The following BCL2 variants were observed in gnomAD, a reference collection of about 807,000 sequenced individuals.
BCL2 encodes apoptosis regulator Bcl-2.
In BCL2, 1 loss-of-function variant was observed where a neutral mutation model predicts 14.2. The observed-to-expected ratio is 0.07, with a 90% CI of 0.02 to 0.33. The LOEUF is 0.33. Ranked by LOEUF, BCL2 falls within the 10% of genes least tolerant of loss-of-function variation. The pLI is 0.99. For synonymous variants in BCL2, 151 were observed against 137.2 expected (o/e 1.10, Z -0.70); for missense variants, 247 against 305.9 (o/e 0.81, Z 1.44).
At chr18:63,152,696 G>A (rs1914679035) in intron 2 of BCL2, among the ~76,000 whole-genome samples, 1 of 152,214 alleles carries the variant, frequency 6.6e-6, no homozygotes, top group African/African-American at 2.4e-5. Flanking sequence ...AGCTTATCAT[G>A]TGCTTGTCCT....
chr18:63,298,136 G>A (rs1912852332), intron 2 of BCL2, among the ~76,000 whole-genome samples: 1 of 152,130 alleles, frequency 6.6e-6, no homozygotes, highest in South Asian at 2.1e-4. Context: ...TCCCTATGCT[G>A]ACATGAAAAT....
intron 2 of BCL2, chr18:63,313,913 T>C (rs569439369): frequency 3.2e-4 from 48 of 152,306 alleles, no homozygotes; most frequent in African/African-American, 1.2e-3. Context: ...CAAAGATTGC[T>C]AAAAAGGGCA....
At chr18:63,231,658 G>A (rs1568241196) in intron 2 of BCL2, among the ~76,000 whole-genome samples, 1 of 150,736 alleles carries the variant, frequency 6.6e-6, no homozygotes, top group Non-Finnish European at 1.5e-5. Context: ...GGCCTATATG[G>A]AAAAAAAAAT....
chr18:63,289,567 A>G lies in BCL2; in HGVS notation c.585+28515T>C, dbSNP rs183524010. 6.6e-5 allele frequency among the ~76,000 whole-genome samples: 10 copies of G among 152,258 alleles called. No individual in the cohort carries two copies. The East Asian group carries it at 1.7e-3, about 26-fold the overall frequency. ...TGGAGAGAGGAATTTGAACAGCTGG[A>G]TAAAGGAAAATGAAGACTTACCTAG... On this transcript the variant is annotated intron_variant, in intron 2 of 2. Coordinates refer to ENST00000333681, the MANE Select transcript of BCL2 (RefSeq NM_000633.3).
chr18:63,189,831 G>C (rs1425556015), intron 2 of BCL2, among the ~76,000 whole-genome samples: 2 of 151,972 alleles, frequency 1.3e-5, no homozygotes, highest in Non-Finnish European at 1.5e-5. Flanking sequence ...CTGAGGCTTG[G>C]TGAGATATTT....
intron 2 of BCL2, among the ~76,000 whole-genome samples, chr18:63,171,498 C>T (rs1915219093): frequency 2.0e-5 from 3 of 152,200 alleles, no homozygotes; most frequent in Admixed American, 2.0e-4. Context: ...AAGGGCAAAG[C>T]ACTTATAATC....
chr18:63,145,435 C>G (rs957798889), intron 2 of BCL2, among the ~76,000 whole-genome samples: 1 of 152,208 alleles, frequency 6.6e-6, no homozygotes, highest in Non-Finnish European at 1.5e-5. Flanking sequence ...CCCACTGCCC[C>G]GTCACCTGCT....
chr18:63,142,591 C>G (rs1014244092), intron 2 of BCL2, among the ~76,000 whole-genome samples: 10 of 152,352 alleles, frequency 6.6e-5, no homozygotes, highest in African/African-American at 2.4e-4. Context: ...CCCAGTTCTG[C>G]AGCTCAATGG....
At chr18:63,172,616 C>G (rs940092654) in intron 2 of BCL2, among the ~76,000 whole-genome samples, 2 of 152,070 alleles carry the variant, frequency 1.3e-5, no homozygotes, top group African/African-American at 4.8e-5. Flanking sequence ...CCTGTCTCTA[C>G]TAAAAATATA....
chr18:63,183,398 A>G (rs4987798), intron 2 of BCL2, among the ~76,000 whole-genome samples: 12,695 of 152,084 alleles, frequency 0.083, 1,297 homozygotes, highest in African/African-American at 0.25. Context: ...ATGGAAGTTG[A>G]GCTATTATGG....
At chr18:63,210,378 T>C (rs1909966140) in intron 2 of BCL2, among the ~76,000 whole-genome samples, 1 of 152,220 alleles carries the variant, frequency 6.6e-6, no homozygotes, top group Non-Finnish European at 1.5e-5. Flanking sequence ...GGAAGAATAA[T>C]ATTTTATTCT....
chr18:63,274,718 C>T (rs777373800), intron 2 of BCL2, among the ~76,000 whole-genome samples: 11 of 152,104 alleles, frequency 7.2e-5, no homozygotes, highest in Non-Finnish European at 1.6e-4. Context: ...CCACCTGCCG[C>T]GGAGGACCTA....
intron 2 of BCL2, among the ~76,000 whole-genome samples, chr18:63,171,209 G>T (rs1210316594): frequency 6.6e-6 from 1 of 152,136 alleles, no homozygotes; most frequent in Non-Finnish European, 1.5e-5. Flanking sequence ...TAATTTTCAA[G>T]TATCAGTCCC....
intron 2 of BCL2, among the ~76,000 whole-genome samples, chr18:63,305,929 T>C (rs1420566340): frequency 6.6e-6 from 1 of 151,678 alleles, no homozygotes; most frequent in Non-Finnish European, 1.5e-5. Context: ...ACAGACATTA[T>C]CTAGGTGTGG....
chr18:63,145,643 G>C (rs1914493377), intron 2 of BCL2, among the ~76,000 whole-genome samples: 1 of 152,242 alleles, frequency 6.6e-6, no homozygotes, highest in South Asian at 2.1e-4. Context: ...AATGTTCGAT[G>C]TGTTACTGGA....
chr18:63,270,967 G>A (rs894612467), intron 2 of BCL2, among the ~76,000 whole-genome samples: 7 of 152,088 alleles, frequency 4.6e-5, no homozygotes, highest in African/African-American at 1.7e-4. Flanking sequence ...CTACAGGCAT[G>A]TGGCCACCAC....
chr18:63,308,933 A>T (rs1323723939), intron 2 of BCL2, among the ~76,000 whole-genome samples: 1 of 152,220 alleles, frequency 6.6e-6, no homozygotes. Context: ...TTAATAGAAG[A>T]AATATTTTAT....
At chr18:63,224,992 AG>A (rs2144167061) in intron 2 of BCL2, among the ~76,000 whole-genome samples, 1 of 152,250 alleles carries the variant, frequency 6.6e-6, no homozygotes, top group Non-Finnish European at 1.5e-5. Flanking sequence ...TAGCAGGCCG[AG>A]AGAGAAGTCT....
At chr18:63,165,300 T>C (rs889362788) in intron 2 of BCL2, among the ~76,000 whole-genome samples, 6 of 152,168 alleles carry the variant, frequency 3.9e-5, no homozygotes, top group Non-Finnish European at 7.4e-5. Flanking sequence ...TTGGTTTGGA[T>C]GAACCTCATT....
Sources: gnomAD v4.1 joint callset for allele counts (sites outside exome capture counted in the v4.1 genomes callset) on GRCh38, gnomAD v4.1.1 for gene constraint, MANE v1.5 for transcripts, NCBI Gene and HGNC (gene_info 2026-07-23, HGNC 2026-07-21) for gene names.